The following GPHN variants were observed in gnomAD, a reference collection of about 807,000 sequenced individuals.
GPHN encodes gephyrin.
Under a neutral mutation model 95.5 loss-of-function variants are expected in GPHN, and 17 were observed. The observed-to-expected ratio is 0.18, with a 90% CI of 0.12 to 0.27. The LOEUF is 0.27. GPHN is among the 10% of genes least tolerant of loss of function. The probability of loss-of-function intolerance (pLI) is 1.00; values close to 1 mark genes in which losing one functional copy is unlikely to be tolerated. For synonymous variants in GPHN, 320 were observed against 322.5 expected (o/e 0.99, Z 0.08); for missense variants, 660 against 978.1 (o/e 0.67, Z 4.34).
chr14:67,244,389 T>A, the GPHN span, among the ~76,000 whole-genome samples: 1 of 152,116 alleles, frequency 6.6e-6, no homozygotes, highest in African/African-American at 2.4e-5. Flanking sequence ...TGACAGTGGC[T>A]TCACATTCTT....
chr14:67,245,903 A>C, the GPHN span, among the ~76,000 whole-genome samples: 1 of 151,948 alleles, frequency 6.6e-6, no homozygotes. Context: ...TTTTATTTTT[A>C]GATCTATGTT....
chr14:66,925,642 T>C (rs565353033), intron 8 of GPHN, among the ~76,000 whole-genome samples: 16 of 152,318 alleles, frequency 1.1e-4, no homozygotes, highest in Admixed American at 9.1e-4. Context: ...TACTCCATTG[T>C]ATATATGTAC....
At chr14:67,196,586 A>G in the GPHN span, among the ~76,000 whole-genome samples, 1 of 152,218 alleles carries the variant, frequency 6.6e-6, no homozygotes, top group Non-Finnish European at 1.5e-5. Flanking sequence ...TAAGGAGCAC[A>G]CTTTAAACAG....
At chr14:67,301,491 T>C in the GPHN span, 1 of 1,530,872 alleles carries the variant, frequency 6.5e-7, no homozygotes, top group Admixed American at 1.8e-5. Flanking sequence ...GAATACTATA[T>C]ATGTGGTTTT....
chr14:67,379,995 G>C, the GPHN span, among the ~76,000 whole-genome samples: 2 of 151,626 alleles, frequency 1.3e-5, no homozygotes, highest in African/African-American at 2.4e-5. Context: ...GGTCTCCAGT[G>C]ATCCCCCTGC....
intron 11 of GPHN, among the ~76,000 whole-genome samples, chr14:67,085,770 A>C (rs1595074693): frequency 6.6e-6 from 1 of 152,216 alleles, no homozygotes; most frequent in African/African-American, 2.4e-5. Flanking sequence ...CATTAAGTAC[A>C]TTCACATTGT....
Position 66,816,492 on chromosome 14 carries a change from G to C in GPHN, c.202-7982G>C, listed in dbSNP as rs150868420. Among the ~76,000 whole-genome samples the C allele has an allele frequency of 2.6e-5, 4 of 152,148 alleles. No homozygotes were observed. The East Asian group carries it at 7.7e-4, about 29-fold the overall frequency. On this transcript the variant is annotated intron_variant, in intron 3 of 22. Transcript: ENST00000478722. ...TGCAATCAAATTAGAAATTAAGACT[G>C]AGAAATTTACTCACAACTCTACAAT...
At chr14:67,263,449 A>C in the GPHN span, among the ~76,000 whole-genome samples, 4 of 152,262 alleles carry the variant, frequency 2.6e-5, no homozygotes, top group African/African-American at 9.6e-5. Flanking sequence ...ATAGAATTTC[A>C]TTGTTTAAAA....
intron 10 of GPHN, among the ~76,000 whole-genome samples, chr14:67,051,299 A>G (rs527607924): frequency 1.3e-5 from 2 of 152,308 alleles, no homozygotes; most frequent in South Asian, 4.1e-4. Context: ...ACAACACAAG[A>G]ACTTCATAAT....
intron 4 of GPHN, among the ~76,000 whole-genome samples, chr14:66,829,376 C>G (rs1451304233): frequency 6.6e-6 from 1 of 152,148 alleles, no homozygotes; most frequent in African/African-American, 2.4e-5. Flanking sequence ...GCATGAACCA[C>G]TGTGCCTGGC....
At chr14:67,291,387 A>G in the GPHN span, among the ~76,000 whole-genome samples, 12 of 151,458 alleles carry the variant, frequency 7.9e-5, no homozygotes, top group African/African-American at 2.9e-4. Flanking sequence ...GCCACTGTGC[A>G]GGGTTCTCCT....
chr14:67,213,098 T>TG, the GPHN span, among the ~76,000 whole-genome samples: 2 of 149,970 alleles, frequency 1.3e-5, no homozygotes, highest in African/African-American at 2.4e-5. Flanking sequence ...CTGTGGTGTT[T>TG]TTTTTTTTTT....
chr14:67,070,649 T>G (rs1353345893), intron 11 of GPHN, among the ~76,000 whole-genome samples: 1 of 138,082 alleles, frequency 7.2e-6, no homozygotes, highest in Non-Finnish European at 1.5e-5. Context: ...TGAGCTGAGA[T>G]CGTGCCATTG....
At chr14:66,684,483 T>C (rs1036634704) in intron 2 of GPHN, among the ~76,000 whole-genome samples, 2 of 152,156 alleles carry the variant, frequency 1.3e-5, no homozygotes, top group Admixed American at 6.5e-5. Context: ...GCATCAGAGA[T>C]TGAAAGTGCA....
At chr14:67,037,679 C>T (rs2074490113) in intron 10 of GPHN, among the ~76,000 whole-genome samples, 1 of 151,066 alleles carries the variant, frequency 6.6e-6, no homozygotes, top group African/African-American at 2.4e-5. Context: ...TACAAATGGC[C>T]AACACACATA....
the GPHN span, among the ~76,000 whole-genome samples, chr14:67,259,484 C>T: frequency 0.083 from 12,543 of 151,880 alleles, 1,251 homozygotes; most frequent in African/African-American, 0.24. Context: ...TAGTGTTGGG[C>T]GCCTGTAATC....
chr14:67,282,921 G>A, the GPHN span, among the ~76,000 whole-genome samples: 1 of 152,024 alleles, frequency 6.6e-6, no homozygotes, highest in African/African-American at 2.4e-5. Context: ...TCTCAGTTAA[G>A]TAATTTTGGG....
chr14:67,288,506 G>A, the GPHN span, among the ~76,000 whole-genome samples: 2 of 152,130 alleles, frequency 1.3e-5, no homozygotes, highest in Admixed American at 6.6e-5. Flanking sequence ...CCATCTTTAC[G>A]AAGAAAATTG....
intron 3 of GPHN, among the ~76,000 whole-genome samples, chr14:66,786,813 C>G (rs1207927755): frequency 6.6e-6 from 1 of 151,980 alleles, no homozygotes; most frequent in Non-Finnish European, 1.5e-5. Context: ...TAGCATCTGA[C>G]AAAATTCAAA....
Sources: gnomAD v4.1 joint callset for allele counts (sites outside exome capture counted in the v4.1 genomes callset) on GRCh38, gnomAD v4.1.1 for gene constraint, MANE v1.5 for transcripts, NCBI Gene and HGNC (gene_info 2026-07-23, HGNC 2026-07-21) for gene names.